Variants in LRCH4 observed in about 807,000 individuals in gnomAD.
LRCH4 encodes leucine rich repeats and calponin homology domain containing 4, also known as leucine-rich repeat and calponin homology domain-containing protein 4.
In LRCH4, 56 loss-of-function variants were observed where a neutral mutation model predicts 81.2. That is an observed-to-expected ratio of 0.69 (90% CI 0.56 to 0.86). The LOEUF (loss-of-function observed/expected upper bound fraction) is 0.86. Among genes scored for constraint, LRCH4 ranks in the 40% least tolerant of loss-of-function variants. LRCH4 has a pLI of 0.00. For missense variants in LRCH4, 895 were observed against 922.8 expected (o/e 0.97, Z 0.39); for synonymous variants, 442 against 409.7 (o/e 1.08, Z -0.95).
Position 100,583,855 on chromosome 7 carries a change from C to T in LRCH4, c.221-1396G>A, listed in dbSNP as rs1801635290. The T allele has an allele frequency of 1.1e-5, 3 of 279,920 alleles. No homozygotes were observed. The highest frequency in any genetic ancestry group is 6.3e-5 in the South Asian group (2 of 31,540). 17.3% of individuals were successfully genotyped at this position (279,920 alleles called of 1,614,324 possible). ...GCATGTGGACGAAGGGGGTGGAGAC[C>T]GAGTTCTCAGAGTTCTGATGGGGTA... On this transcript the variant is annotated intron_variant, in intron 1 of 17. Transcript: ENST00000310300. The surrounding 1 kb of genome is among the most constrained non-coding windows in gnomAD (Gnocchi z 4.3).
In LRCH4 at chr7:100,577,869, A is replaced by G; in HGVS notation, c.992T>C (p.Leu331Pro). 6.2e-7 allele frequency: 1 copy of G among 1,613,998 alleles called. No homozygotes were observed. Among genetic ancestry groups the G allele is most frequent in the Non-Finnish European group, 8.5e-7 (1 of 1,179,894 alleles). The change falls in exon 8 of 18, where the codon CTG becomes CCG. Residue 331 changes from leucine to proline, a missense_variant. Coordinates refer to ENST00000310300, the MANE Select transcript of LRCH4 (RefSeq NM_002319.5). The surrounding 1 kb of genome is among the most constrained non-coding windows in gnomAD (Gnocchi z 6.7). The part of the protein sequence containing the change: ...FSELSFRISE[L>P]AREPRGPRER... ...TCTGGGTCCCCGGGGCTCCCGGGCCAGCTCTGAGATCCGGAATGACAGCTC... is the reference window on the plus strand; with the variant it reads ...TCTGGGTCCCCGGGGCTCCCGGGCCGGCTCTGAGATCCGGAATGACAGCTC...
chr7:100,578,021 TC>T lies in LRCH4; in HGVS notation c.949-110del. 2 of 1,302,870 alleles carry T rather than the reference TC, an allele frequency of 1.5e-6. No individual in the cohort carries two copies. The highest frequency in any genetic ancestry group is 3.8e-5 in the Admixed American group (2 of 52,480). 80.7% of individuals were successfully genotyped at this position (1,302,870 alleles called of 1,614,324 possible). A position where few individuals can be genotyped will look rare whatever the true frequency, so the allele number is the denominator to read the frequency against. ...TCAGGGTCTCTGCTGAGCCAGCCCT[TC>T]CCTGGGATGCTGGGCAGAGGGAAGG... On this transcript the variant is annotated intron_variant, in intron 7 of 17. Coordinates refer to ENST00000310300, the MANE Select transcript of LRCH4 (RefSeq NM_002319.5). This position sits in a 1 kb window ranked among gnomAD's most constrained non-coding sequence, Gnocchi z 5.7.
At chr7:100,579,848 G>A (rs538684863) in intron 4 of LRCH4, 5 of 152,136 alleles carry the variant, frequency 3.3e-5, no homozygotes, top group Admixed American at 6.5e-5. Flanking sequence ...CCACCTCCTC[G>A]GTGGATCGTT....
In LRCH4 at chr7:100,575,909, G is replaced by C; in HGVS notation, c.1738C>G (p.Arg580Gly). Residue 580 changes from arginine to glycine, a missense_variant, in exon 16 of 18, where the codon CGC becomes GGC. By Grantham distance (125) the Arg-to-Gly change is moderately radical (BLOSUM62 -2). Around this residue, in one of 3 missense-constraint regions of LRCH4, gnomAD observed 529 missense variants for 504.9 expected, o/e 1.05. Coordinates refer to ENST00000310300, the MANE Select transcript of LRCH4 (RefSeq NM_002319.5). This position sits in a 1 kb window ranked among gnomAD's most constrained non-coding sequence, Gnocchi z 5.3. ...LCQLANQLRP[R>G]SVPFIHVPSP... ...GGCACATGGATGAAGGGCACGGAGC[G>C]CGGCCGTAGCTGGTTGGCCAGCTGG... is the stretch of plus-strand genomic sequence containing the variant. 6.2e-7 allele frequency: 1 copy of C among 1,612,848 alleles called. No individual in the cohort carries two copies. The highest frequency in any genetic ancestry group is 1.3e-5 in the African/African-American group (1 of 75,044).
chr7:100,576,916 G>A lies in LRCH4; in HGVS notation c.1454C>T (p.Pro485Leu). 1 of 1,558,986 alleles carries A rather than the reference G, an allele frequency of 6.4e-7. No individual in the cohort carries two copies. Among genetic ancestry groups the A allele is most frequent in the Non-Finnish European group, 8.7e-7 (1 of 1,149,712 alleles). Residue 485 changes from proline to leucine, a missense_variant, in exon 13 of 18, where the codon CCC becomes CTC. Transcript: ENST00000310300. Reference protein sequence around the residue: ...APAPASQEPLPIAGPATAPAP... With the variant: ...APAPASQEPLLIAGPATAPAP... ...CCCTGTCCCACCTGGTCCAGCTATGGGAAGGGGCTCTTGGGAGGCAGGGGC... is the reference window on the plus strand; with the variant it reads ...CCCTGTCCCACCTGGTCCAGCTATGAGAAGGGGCTCTTGGGAGGCAGGGGC...
rs1328666038 is a variant in LRCH4 at position 100,577,956 on chromosome 7, T to C, written c.949-44A>G. 1.3e-6 allele frequency: 2 copies of C among 1,545,220 alleles called. No homozygotes were observed. Among genetic ancestry groups the C allele is most frequent in the African/African-American group, 1.4e-5 (1 of 73,034 alleles). ...AGATGGGAGATGGCCTCTCTGTACA[T>C]GGGGGCTCAGGACCTGGGGGGTCCT... On this transcript the variant is annotated intron_variant, in intron 7 of 17. Coordinates refer to ENST00000310300, the MANE Select transcript of LRCH4 (RefSeq NM_002319.5). The surrounding 1 kb of genome is among the most constrained non-coding windows in gnomAD (Gnocchi z 6.7).
chr7:100,581,640 C>G (rs547170297), intron 4 of LRCH4, 137 bp downstream of exon 4: 1 of 719,610 alleles, frequency 1.4e-6, no homozygotes, highest in East Asian at 2.8e-5. Flanking sequence ...AGATCCTGAA[C>G]TTCAGCTTCC....
At chr7:100,576,644 G>A (rs778684939) in intron 14 of LRCH4, 50 bp downstream of exon 14, 105 of 1,472,440 alleles carry the variant, frequency 7.1e-5, no homozygotes, top group Admixed American at 2.2e-4. Flanking sequence ...TGATGTAGCC[G>A]TTGGTGCTGG....
chr7:100,574,985 G>A lies in LRCH4; in HGVS notation c.*122C>T. ...AGTGGGGCCTCTGAGGTCAGTGTCT[G>A]TGAAGGGGGTGCACTAGTGTCTTTG... On this transcript the variant is annotated 3_prime_UTR_variant, in exon 18 of 18. Coordinates refer to ENST00000310300, the MANE Select transcript of LRCH4 (RefSeq NM_002319.5). The A allele has an allele frequency of 1.0e-6, 1 of 956,304 alleles. No homozygotes were observed. The highest frequency in any genetic ancestry group is 1.7e-5 in the African/African-American group (1 of 60,330). 59.2% of individuals were successfully genotyped at this position (956,304 alleles called of 1,614,324 possible). A position where few individuals can be genotyped will look rare whatever the true frequency, so the allele number is the denominator to read the frequency against.
chr7:100,582,166 G>C lies in LRCH4; in HGVS notation c.367C>G (p.Arg123Gly). 1.2e-6 allele frequency: 2 copies of C among 1,613,476 alleles called. No individual in the cohort carries two copies. Among genetic ancestry groups the C allele is most frequent in the South Asian group, 2.2e-5 (2 of 91,032 alleles). Residue 123 changes from arginine (R) to glycine (G), a missense_variant and splice_region_variant, in exon 3 of 18, where the codon CGA becomes GGA. Arg to Gly is a moderately radical substitution (Grantham distance 125, BLOSUM62 -2). Transcript: ENST00000310300. The surrounding 1 kb of genome is among the most constrained non-coding windows in gnomAD (Gnocchi z 5.0). ...LTALTYLNLSRNQLSLLPPYI... is the reference protein window; with the variant it reads ...LTALTYLNLSGNQLSLLPPYI... Reference sequence around the variant, plus strand: ...GGTGGCAGCAGCGACAGCTGGTTTCGGCTGTGGAAGGGAGAAAGGCAGCGG... The same window carrying C: ...GGTGGCAGCAGCGACAGCTGGTTTCCGCTGTGGAAGGGAGAAAGGCAGCGG...
In LRCH4 at chr7:100,575,166, A is replaced by C. The variant is rs758592487; in HGVS notation, c.1993T>G (p.Phe665Val). 26 of 1,613,330 alleles carry C rather than the reference A, an allele frequency of 1.6e-5. No individual in the cohort carries two copies. In the East Asian group the frequency reaches 5.3e-4, roughly 33 times the overall value. ...PPSGLGGFVV[F>V]YVVLMLLLYV... ...AGCAGCAGCATGAGGACCACGTAGA[A>C]GACGACGAAGCCGCCCAGACCAGAG... The change falls in exon 18 of 18, where the codon TTC (phenylalanine) becomes GTC (valine). Residue 665 changes from phenylalanine to valine, a missense_variant. Phe to Val is a conservative substitution (Grantham distance 50). Around this residue, in one of 3 missense-constraint regions of LRCH4, gnomAD observed 529 missense variants for 504.9 expected, o/e 1.05. Transcript: ENST00000310300. This position sits in a 1 kb window ranked among gnomAD's most constrained non-coding sequence, Gnocchi z 5.3.
At position 100,582,275 on chromosome 7, in the gene LRCH4, A is replaced by T; in HGVS notation, c.365+40T>A. ...TCACTCAGTAGTACTTGAGACTGAG[A>T]AGCACACGCTCCCACGTGGCCCTGG... On this transcript the variant is annotated intron_variant, in intron 2 of 17. Coordinates refer to ENST00000310300, the MANE Select transcript of LRCH4 (RefSeq NM_002319.5). This position sits in a 1 kb window ranked among gnomAD's most constrained non-coding sequence, Gnocchi z 5.0. 2 of 1,613,868 alleles carry T rather than the reference A, an allele frequency of 1.2e-6. No homozygotes were observed. The highest frequency in any genetic ancestry group is 8.5e-7 in the Non-Finnish European group (1 of 1,179,972).
Position 100,585,275 on chromosome 7 carries a change from T to A in LRCH4, c.220+606A>T, listed in dbSNP as rs188339676. ...TCTCAGATAAGCCGGTTGGGGATAA[T>A]AGGCGGAAGAGCTCAGGGAGAAAAG... On this transcript the variant is annotated intron_variant, in intron 1 of 17. Transcript: ENST00000310300. 4.9e-4 allele frequency: 80 copies of A among 162,802 alleles called. 1 individual carries two copies. The highest frequency in any genetic ancestry group is 4.6e-3 in the Admixed American group (77 of 16,722). 10.1% of individuals were successfully genotyped at this position (162,802 alleles called of 1,614,324 possible).
Position 100,575,484 on chromosome 7 carries a change from T to G in LRCH4, c.1855-180A>C. On this transcript the variant is annotated intron_variant, in intron 17 of 17. Coordinates refer to ENST00000310300, the MANE Select transcript of LRCH4 (RefSeq NM_002319.5). The surrounding 1 kb of genome is among the most constrained non-coding windows in gnomAD (Gnocchi z 5.3). ...CAGGGCAGGGCATGTGCAGGACAGG[T>G]GACATGCAGGACAAGATGGGGCCTG... 1 of 817,994 alleles carries G rather than the reference T, an allele frequency of 1.2e-6. No homozygotes were observed. Among genetic ancestry groups the G allele is most frequent in the East Asian group, 2.6e-5 (1 of 38,228 alleles). 50.7% of individuals were successfully genotyped at this position (817,994 alleles called of 1,614,324 possible).
rs1169049292 is a variant in LRCH4, at chr7:100,574,931, G to GCTGGGGGCCCAGGGT, written c.*161_*175dup. On this transcript the variant is annotated 3_prime_UTR_variant, in exon 18 of 18. Coordinates refer to ENST00000310300, the MANE Select transcript of LRCH4 (RefSeq NM_002319.5). ...TGGGGCTACTGGAGGGAGGCCAGAG[G>GCTGGGGGCCCAGGGT]CTGGGGGCCCAGGGTCTGGGGGCAC... 1.6e-6 allele frequency: 1 copy of GCTGGGGGCCCAGGGT among 617,528 alleles called. No individual in the cohort carries two copies. Among genetic ancestry groups the GCTGGGGGCCCAGGGT allele is most frequent in the Non-Finnish European group, 2.8e-6 (1 of 357,516 alleles). 38.3% of individuals were successfully genotyped at this position (617,528 alleles called of 1,614,324 possible). A position where few individuals can be genotyped will look rare whatever the true frequency, so the allele number is the denominator to read the frequency against.
rs886381900 is a variant in LRCH4, at chr7:100,574,779, GGGGAA to G, written c.*323_*327del. The G allele has an allele frequency of 3.4e-6, 1 of 296,360 alleles. No individual in the cohort carries two copies. The highest frequency in any genetic ancestry group is 2.1e-5 in the African/African-American group (1 of 46,980). The allele number at this position is 296,360 out of a possible 1,614,324, so 18.4% of individuals were successfully genotyped here. The stretch of plus-strand genomic sequence containing the variant: ...AGCCCCCCCATAGCAGCTGTTGGGG[GGGGAA>G]GGGGAGGGCACAGGAGGAAGGGGGA... On this transcript the variant is annotated 3_prime_UTR_variant, in exon 18 of 18. Coordinates refer to ENST00000310300, the MANE Select transcript of LRCH4 (RefSeq NM_002319.5).
intron 15 of LRCH4, 58 bp from the exon 16 acceptor site, chr7:100,576,066 G>C: frequency 6.5e-7 from 1 of 1,549,748 alleles, no homozygotes; most frequent in Admixed American, 1.8e-5. Context: ...CTGGGAGGCA[G>C]GGAGAGTGGG....
In LRCH4 at chr7:100,582,576, A is replaced by ACATTGATGGCCT; in HGVS notation, c.221-118_221-117insAGGCCATCAATG. 1 of 1,035,498 alleles carries ACATTGATGGCCT rather than the reference A, an allele frequency of 9.7e-7. No homozygotes were observed. Among genetic ancestry groups the ACATTGATGGCCT allele is most frequent in the Non-Finnish European group, 1.4e-6 (1 of 709,018 alleles). The allele number at this position is 1,035,498 out of a possible 1,614,324, so 64.1% of individuals were successfully genotyped here. A position where few individuals can be genotyped will look rare whatever the true frequency, so the allele number is the denominator to read the frequency against. ...CCTCCACACCTAAAGATTCAAGGCC[A>ACATTGATGGCCT]TCAATGTGGCCTCCCAGGAGAGATA... On this transcript the variant is annotated intron_variant, in intron 1 of 17. Coordinates refer to ENST00000310300, the MANE Select transcript of LRCH4 (RefSeq NM_002319.5). The surrounding 1 kb of genome is among the most constrained non-coding windows in gnomAD (Gnocchi z 5.0).
rs751859405 is a variant in LRCH4, at chr7:100,575,269, G to A, written c.1890C>T (p.Gly630=). The A allele has an allele frequency of 7.0e-6, 11 of 1,573,468 alleles. No individual in the cohort carries two copies. The South Asian group carries it at 9.2e-5, about 13-fold the overall frequency. ...DLCSPSDLLQ[G]TARGLRTALE... ...GCGCGGTCCGCAGCCCCCGGGCAGTGCCCTGGAGGAGATCCGAGGGCGAGC... is the reference window on the plus strand; with the variant it reads ...GCGCGGTCCGCAGCCCCCGGGCAGTACCCTGGAGGAGATCCGAGGGCGAGC... The change falls in exon 18 of 18, where the codon GGC becomes GGT. Residue 630 remains glycine (G), a synonymous_variant. Coordinates refer to ENST00000310300, the MANE Select transcript of LRCH4 (RefSeq NM_002319.5). This position sits in a 1 kb window ranked among gnomAD's most constrained non-coding sequence, Gnocchi z 5.3.
Sources: allele counts gnomAD v4.1 joint callset, GRCh38; gene constraint gnomAD v4.1.1; regional missense constraint gnomAD v4.1.1; non-coding constraint Gnocchi (gnomAD v3.1); transcripts MANE v1.5; gene names NCBI Gene and HGNC (gene_info 2026-07-23, HGNC 2026-07-21).